Variants in CCDC125 observed in about 807,000 individuals in gnomAD.
The protein encoded by CCDC125 is coiled-coil domain-containing protein 125.
CCDC125 carries 43 observed loss-of-function variants against 57.4 expected under a neutral mutation model. That is an observed-to-expected ratio of 0.75 (90% CI 0.59 to 0.97). CCDC125 has a LOEUF of 0.97. Ranked by LOEUF, CCDC125 falls within the 50% of genes least tolerant of loss-of-function variation. The probability of loss-of-function intolerance (pLI) is 0.00; values close to 1 mark genes in which losing one functional copy is unlikely to be tolerated. For synonymous variants in CCDC125, 187 were observed against 195.2 expected (o/e 0.96, Z 0.35); for missense variants, 563 against 595.7 (o/e 0.95, Z 0.57).
At chr5:69,299,361 G>A (rs1231554900) in intron 8 of CCDC125, among the ~76,000 whole-genome samples, 3 of 151,828 alleles carry the variant, frequency 2.0e-5, no homozygotes, top group Non-Finnish European at 2.9e-5. Flanking sequence ...CGCCCGCCTC[G>A]GCTTCCCAAA....
intron 6 of CCDC125, among the ~76,000 whole-genome samples, chr5:69,305,874 C>T (rs771675945): frequency 1.8e-4 from 28 of 152,156 alleles, no homozygotes; most frequent in Non-Finnish European, 3.8e-4. Flanking sequence ...TTTATTCCCA[C>T]GTTCGTCTCC....
At chr5:69,289,132 T>C (rs558314221) in intron 10 of CCDC125, among the ~76,000 whole-genome samples, 41 of 152,226 alleles carry the variant, frequency 2.7e-4, no homozygotes, top group South Asian at 2.1e-4. Context: ...CTGACAGGCA[T>C]TCGTAAGATT....
chr5:69,289,923 A>C (rs1017969867), intron 10 of CCDC125, among the ~76,000 whole-genome samples: 3 of 151,928 alleles, frequency 2.0e-5, no homozygotes, highest in Non-Finnish European at 4.4e-5. Context: ...ATATTTTCTC[A>C]AAAGTTTCGT....
rs866168465 is a variant in CCDC125, at chr5:69,293,765, T to A, written c.924+1028A>T. Among the ~76,000 whole-genome samples, 23 of 152,350 alleles carry A rather than the reference T, an allele frequency of 1.5e-4. 1 individual carries two copies. The highest frequency in any genetic ancestry group is 2.8e-4 in the Non-Finnish European group (19 of 68,036). The stretch of plus-strand genomic sequence containing the variant: ...TGCAGGTTTGTTACCTAGGTAAATG[T>A]GTGCCATGGTGGTTTGCCACACCTA... On this transcript the variant is annotated intron_variant, in intron 9 of 11. Transcript: ENST00000396496.
rs990549306 is a variant in CCDC125 at position 69,292,374 on chromosome 5, A to G, written c.925-12T>C. 7.5e-6 allele frequency: 12 copies of G among 1,609,796 alleles called. No homozygotes were observed. Among genetic ancestry groups the G allele is most frequent in the African/African-American group, 1.3e-5 (1 of 74,706 alleles). On this transcript the variant is annotated splice_polypyrimidine_tract_variant and intron_variant, in intron 9 of 11. Transcript: ENST00000396496. ...TGCAAAATTTCCAACTGATTTTGAAAGACAGTTTGGGAGGTGTCAGAGGCA... is the reference window on the plus strand; with the variant it reads ...TGCAAAATTTCCAACTGATTTTGAAGGACAGTTTGGGAGGTGTCAGAGGCA...
chr5:69,307,906 A>G (rs1474151365), intron 5 of CCDC125, 45 bp downstream of exon 5: 3 of 1,429,582 alleles, frequency 2.1e-6, no homozygotes, highest in Non-Finnish European at 3.0e-6. Flanking sequence ...ATTATATTTA[A>G]CAGCTTATTG....
chr5:69,296,128 C>T (rs1306666557), intron 8 of CCDC125, among the ~76,000 whole-genome samples: 2 of 151,836 alleles, frequency 1.3e-5, no homozygotes, highest in Non-Finnish European at 2.9e-5. Flanking sequence ...GTGATCTGCC[C>T]GCCTCAGCCT....
rs767261180 is a variant in CCDC125 at position 69,303,964 on chromosome 5, T to A, written c.618-35A>T. The A allele has an allele frequency of 6.0e-6, 7 of 1,159,986 alleles. No homozygotes were observed. In the South Asian group the frequency reaches 8.4e-5, roughly 14 times the overall value. The allele number at this position is 1,159,986 out of a possible 1,614,324, so 71.9% of individuals were successfully genotyped here. A position where few individuals can be genotyped will look rare whatever the true frequency, so the allele number is the denominator to read the frequency against. ...AGTGGCTTTCAAATAACTAAAACAT[T>A]AATATTTCCTTGCTGAGCGAGAATA... On this transcript the variant is annotated intron_variant, in intron 6 of 11. Transcript: ENST00000396496.
At chr5:69,296,538 C>G (rs1755352027) in intron 8 of CCDC125, among the ~76,000 whole-genome samples, 2 of 151,718 alleles carry the variant, frequency 1.3e-5, no homozygotes, top group East Asian at 2.0e-4. Context: ...GCAACAAGAG[C>G]AAAACTCTGT....
chr5:69,314,424 C>T (rs1758668548), intron 2 of CCDC125, among the ~76,000 whole-genome samples: 1 of 150,226 alleles, frequency 6.7e-6, no homozygotes, highest in Non-Finnish European at 1.5e-5. Flanking sequence ...GAGATCGTGC[C>T]ACTGTATTCC....
intron 4 of CCDC125, 181 bp from the exon 5 acceptor site, chr5:69,308,209 T>G: frequency 1.7e-6 from 1 of 599,286 alleles, no homozygotes. Context: ...TTGGTTTGGC[T>G]CTTTTCCAAT....
intron 1 of CCDC125, among the ~76,000 whole-genome samples, chr5:69,324,460 A>G (rs971347945): frequency 6.6e-6 from 1 of 152,226 alleles, no homozygotes; most frequent in South Asian, 2.1e-4. Flanking sequence ...TGGCAACTGC[A>G]TTCTTCAGGA....
chr5:69,300,164 G>T, intron 7 of CCDC125, 37 bp from the exon 8 acceptor site: 1 of 1,438,226 alleles, frequency 7.0e-7, no homozygotes, highest in Non-Finnish European at 9.8e-7. Context: ...TCATTATGAA[G>T]CCTAACTCCA....
chr5:69,300,223 G>A, intron 7 of CCDC125, 96 bp from the exon 8 acceptor site: 1 of 862,926 alleles, frequency 1.2e-6, no homozygotes, highest in Non-Finnish European at 2.0e-6. Flanking sequence ...TTTCGTACAA[G>A]CAATACACTA....
chr5:69,325,753 G>A (rs1760648431), intron 1 of CCDC125, among the ~76,000 whole-genome samples: 2 of 143,424 alleles, frequency 1.4e-5, no homozygotes, highest in Non-Finnish European at 1.5e-5. Flanking sequence ...GAAACCAGAA[G>A]GTGGATGTTG....
the CCDC125 span, among the ~76,000 whole-genome samples, chr5:69,273,621 C>A: frequency 1.3e-5 from 2 of 152,092 alleles, no homozygotes; most frequent in African/African-American, 4.8e-5. Flanking sequence ...ATAACAAACT[C>A]ATGAAAAATT....
At chr5:69,304,598 G>A (rs575061478) in intron 6 of CCDC125, among the ~76,000 whole-genome samples, 63 of 150,892 alleles carry the variant, frequency 4.2e-4, no homozygotes, top group Middle Eastern at 3.5e-3. Flanking sequence ...GCCAATTTTT[G>A]TGTTTTAGTA....
intron 7 of CCDC125, among the ~76,000 whole-genome samples, chr5:69,302,902 TA>T (rs1462560224): frequency 6.6e-6 from 1 of 152,052 alleles, no homozygotes; most frequent in Non-Finnish European, 1.5e-5. Context: ...GAAAACTAAA[TA>T]AAAAGGAGAA....
At chr5:69,297,256 G>C (rs1055063829) in intron 8 of CCDC125, among the ~76,000 whole-genome samples, 1 of 151,936 alleles carries the variant, frequency 6.6e-6, no homozygotes, top group Non-Finnish European at 1.5e-5. Flanking sequence ...GGTCAGGCTG[G>C]TCTCGAACTC....
Sources: allele counts gnomAD v4.1 joint callset (sites outside exome capture counted in the v4.1 genomes callset), GRCh38; gene constraint gnomAD v4.1.1; transcripts MANE v1.5; gene names NCBI Gene and HGNC (gene_info 2026-07-23, HGNC 2026-07-21).